MEIS1: variants seen among roughly 807,000 people sequenced by gnomAD.
MEIS1 encodes Meis homeobox 1, also known as homeobox protein Meis1.
Under a neutral mutation model 50.8 loss-of-function variants are expected in MEIS1, and 5 were observed. The observed-to-expected ratio is 0.10, with a 90% CI of 0.05 to 0.21. MEIS1 has a LOEUF of 0.21. MEIS1 is among the 10% of genes least tolerant of loss of function. The pLI, the probability that MEIS1 is intolerant of heterozygous loss-of-function variation, is 1.00. For missense variants in MEIS1, 318 were observed against 517.3 expected (o/e 0.61, Z 3.74); for synonymous variants, 176 against 179.3 (o/e 0.98, Z 0.15).
chr2:66,518,355 C>T (rs1278936052), intron 8 of MEIS1, among the ~76,000 whole-genome samples: 1 of 152,156 alleles, frequency 6.6e-6, no homozygotes, highest in Non-Finnish European at 1.5e-5. Flanking sequence ...TTTGTAGAGT[C>T]TGGCTGGCAA....
chr2:66,438,095 A>G lies in MEIS1; in HGVS notation c.239+132A>G, dbSNP rs1214003581. The G allele has an allele frequency of 9.2e-6, 8 of 870,436 alleles. 1 individual carries two copies. In the South Asian group the frequency reaches 1.3e-4, roughly 14 times the overall value. 53.9% of individuals were successfully genotyped at this position (870,436 alleles called of 1,614,324 possible). ...TTTGGTGACTTTTCATTCACATTTC[A>G]TGGATAATTTGGGGAGGTGGCCTGC... On this transcript the variant is annotated intron_variant, in intron 2 of 12. Transcript: ENST00000272369.
chr2:66,483,270 G>A (rs1047928956), intron 7 of MEIS1, among the ~76,000 whole-genome samples: 2 of 144,552 alleles, frequency 1.4e-5, no homozygotes, highest in Non-Finnish European at 3.0e-5. Context: ...ACGGGGTCTC[G>A]CTATATTGCC....
chr2:66,531,634 G>A (rs750233414), intron 8 of MEIS1, among the ~76,000 whole-genome samples: 5 of 152,204 alleles, frequency 3.3e-5, no homozygotes, highest in Admixed American at 6.5e-5. Context: ...GCATAAAGGC[G>A]AGGGTCATTT....
chr2:66,544,601 C>T (rs983904724), intron 8 of MEIS1, among the ~76,000 whole-genome samples: 1 of 152,060 alleles, frequency 6.6e-6, no homozygotes, highest in African/African-American at 2.4e-5. Flanking sequence ...ATTATTGTGA[C>T]ATTTAATTTG....
rs371433543 is a variant in MEIS1 at position 66,450,584 on chromosome 2, T to C, written c.630+7536T>C. Among the ~76,000 whole-genome samples, 326 of 152,346 alleles carry C rather than the reference T, an allele frequency of 2.1e-3. 2 individuals carry two copies. Among genetic ancestry groups the C allele is most frequent in the African/African-American group, 7.7e-3 (322 of 41,594 alleles). On this transcript the variant is annotated intron_variant, in intron 6 of 12. Transcript: ENST00000272369. ...CAAATATTAGCAACTGTTATAGTTG[T>C]GCTGCTGCTTTTACGTTTTAACCAA...
chr2:66,512,121 G>A (rs774841948), intron 7 of MEIS1, 28 bp from the exon 8 acceptor site: 2 of 1,532,780 alleles, frequency 1.3e-6, no homozygotes, highest in African/African-American at 1.4e-5. Context: ...GGTAGCATCA[G>A]TCAAAATTTG....
At chr2:66,519,019 A>G (rs1388127019) in intron 8 of MEIS1, among the ~76,000 whole-genome samples, 2 of 152,304 alleles carry the variant, frequency 1.3e-5, no homozygotes, top group East Asian at 3.9e-4. Context: ...GAGTATAACT[A>G]TCTGCTCATG....
chr2:66,557,168 G>A (rs1675087468), intron 9 of MEIS1, among the ~76,000 whole-genome samples: 1 of 152,146 alleles, frequency 6.6e-6, no homozygotes, highest in South Asian at 2.1e-4. Flanking sequence ...GGGAATTTAT[G>A]CATCATACGA....
intron 8 of MEIS1, among the ~76,000 whole-genome samples, chr2:66,536,339 CATT>C (rs1326059287): frequency 5.3e-5 from 8 of 152,174 alleles, no homozygotes. Flanking sequence ...TCTTCCCAAA[CATT>C]ATGTTCACCA....
At chr2:66,532,637 A>G (rs937180094) in intron 8 of MEIS1, among the ~76,000 whole-genome samples, 1 of 152,144 alleles carries the variant, frequency 6.6e-6, no homozygotes, top group South Asian at 2.1e-4. Context: ...AACAGCTTTC[A>G]TCTGTAAAAT....
chr2:66,571,560 G>T lies in MEIS1; in HGVS notation c.*352G>T. 3 of 1,550,134 alleles carry T rather than the reference G, an allele frequency of 1.9e-6. No homozygotes were observed. The South Asian group carries it at 3.6e-5, about 19-fold the overall frequency. Reference sequence around the variant, plus strand: ...GGGAATATGCATTGTCTGCAATGGTGACTGATTTCAAATCATGTTTTTTCT... The same window carrying T: ...GGGAATATGCATTGTCTGCAATGGTTACTGATTTCAAATCATGTTTTTTCT... On this transcript the variant is annotated 3_prime_UTR_variant, in exon 13 of 13. Transcript: ENST00000272369.
intron 8 of MEIS1, among the ~76,000 whole-genome samples, chr2:66,523,283 A>C (rs1014657304): frequency 1.3e-5 from 2 of 152,270 alleles, no homozygotes; most frequent in African/African-American, 4.8e-5. Context: ...ACTTCAGGAC[A>C]GAATGACAGA....
intron 4 of MEIS1, chr2:66,441,084 C>T: frequency 2.8e-6 from 1 of 362,062 alleles, no homozygotes. Context: ...TCTGTCCACT[C>T]CTTCCAAGGA....
At chr2:66,512,722 A>G (rs1421471755) in intron 8 of MEIS1, among the ~76,000 whole-genome samples, 2 of 152,218 alleles carry the variant, frequency 1.3e-5, no homozygotes, top group Non-Finnish European at 2.9e-5. Flanking sequence ...ATCATGTTGC[A>G]ATGGCAAGAT....
intron 7 of MEIS1, among the ~76,000 whole-genome samples, chr2:66,487,682 G>A (rs1419915255): frequency 1.3e-5 from 2 of 152,192 alleles, no homozygotes; most frequent in African/African-American, 2.4e-5. Context: ...AAGACTTGCT[G>A]TCCTTGAAAT....
intron 6 of MEIS1, among the ~76,000 whole-genome samples, chr2:66,458,360 C>T (rs1672442964): frequency 6.6e-6 from 1 of 152,118 alleles, no homozygotes. Context: ...GATCAGTTTG[C>T]ATTCCCTGAG....
At chr2:66,478,682 A>G (rs796518483) in intron 7 of MEIS1, among the ~76,000 whole-genome samples, 5 of 152,362 alleles carry the variant, frequency 3.3e-5, no homozygotes, top group African/African-American at 1.2e-4. Flanking sequence ...TGTAGCAACC[A>G]TGCTGGCTTA....
chr2:66,475,875 A>G (rs756995628), intron 7 of MEIS1, among the ~76,000 whole-genome samples: 3 of 152,178 alleles, frequency 2.0e-5, no homozygotes, highest in Admixed American at 2.0e-4. Flanking sequence ...TCTTTAACTC[A>G]TTGGAATCTG....
intron 8 of MEIS1, among the ~76,000 whole-genome samples, chr2:66,532,325 T>G (rs1674412731): frequency 2.6e-5 from 4 of 152,170 alleles, no homozygotes; most frequent in Admixed American, 2.6e-4. Flanking sequence ...CCTCCCTCAT[T>G]TATAATAAAT....
Sources: gnomAD v4.1 joint callset for allele counts (sites outside exome capture counted in the v4.1 genomes callset) on GRCh38, gnomAD v4.1.1 for gene constraint, MANE v1.5 for transcripts, NCBI Gene and HGNC (gene_info 2026-07-23, HGNC 2026-07-21) for gene names.